Variants in DAAM2 observed in about 807,000 individuals in gnomAD.
DAAM2 encodes dishevelled associated activator of morphogenesis 2.
Under a neutral mutation model 120.7 loss-of-function variants are expected in DAAM2, and 39 were observed. The ratio of observed to expected loss-of-function variants is 0.32; its 90% CI spans 0.25 to 0.42. The LOEUF (loss-of-function observed/expected upper bound fraction) is 0.42. Among genes scored for constraint, DAAM2 ranks in the 10% least tolerant of loss-of-function variants. DAAM2 has a pLI of 1.00. For missense variants in DAAM2, 1,283 were observed against 1,401.7 expected (o/e 0.92, Z 1.35); for synonymous variants, 488 against 524.9 (o/e 0.93, Z 0.96).
rs112059918 is a variant in DAAM2, at chr6:39,904,689, A to ACTAT, written c.*2659_*2662dup. ...CATTTCCACCAACTGGGGAACTGTG[A>ACTAT]CTATCTATCTCCCCCGACTTCTACC... On this transcript the variant is annotated 3_prime_UTR_variant, in exon 25 of 25. Coordinates refer to ENST00000274867, the MANE Select transcript of DAAM2 (RefSeq NM_001201427.2). 1.3e-4 allele frequency: 57 copies of ACTAT among 453,990 alleles called. No homozygotes were observed. In the East Asian group the frequency reaches 1.7e-3, roughly 13 times the overall value. The allele number at this position is 453,990 out of a possible 1,614,324, so 28.1% of individuals were successfully genotyped here.
intron 1 of DAAM2, among the ~76,000 whole-genome samples, chr6:39,839,907 T>C (rs1698053788): frequency 6.6e-6 from 1 of 152,102 alleles, no homozygotes; most frequent in Non-Finnish European, 1.5e-5. Context: ...ACCTGTGTGT[T>C]GGGGGAGAAG....
At chr6:39,804,125 C>T (rs536742303) in intron 1 of DAAM2, among the ~76,000 whole-genome samples, 3 of 152,290 alleles carry the variant, frequency 2.0e-5, no homozygotes, top group Admixed American at 6.5e-5. Context: ...TGGCATCCTC[C>T]CCAGCCTCCT....
At chr6:39,794,168 A>G (rs532048549) in intron 1 of DAAM2, among the ~76,000 whole-genome samples, 13 of 152,182 alleles carry the variant, frequency 8.5e-5, no homozygotes, top group Non-Finnish European at 1.5e-4. Flanking sequence ...CCCATAGGCA[A>G]TGTAAACAAG....
chr6:39,857,895 A>G (rs1310218332), intron 2 of DAAM2, among the ~76,000 whole-genome samples: 1 of 152,080 alleles, frequency 6.6e-6, no homozygotes, highest in Non-Finnish European at 1.5e-5. Flanking sequence ...AAAGCCTAGT[A>G]GGGAAGACTG....
chr6:39,872,731 A>G (rs908850816), intron 9 of DAAM2, among the ~76,000 whole-genome samples: 1 of 152,212 alleles, frequency 6.6e-6, no homozygotes, highest in Non-Finnish European at 1.5e-5. Flanking sequence ...CTTGCCTGTC[A>G]TCACACAACT....
At chr6:39,834,261 G>A (rs1763022689) in intron 1 of DAAM2, among the ~76,000 whole-genome samples, 1 of 152,052 alleles carries the variant, frequency 6.6e-6, no homozygotes, top group Non-Finnish European at 1.5e-5. Context: ...TTTAGAGAGG[G>A]GCTTGTTGGT....
chr6:39,887,958 G>A, intron 16 of DAAM2: 2 of 213,036 alleles, frequency 9.4e-6, no homozygotes, highest in South Asian at 7.5e-5. Context: ...TGTACGGGGG[G>A]GCCTCCTGCC....
intron 1 of DAAM2, among the ~76,000 whole-genome samples, chr6:39,800,409 A>C (rs1314903477): frequency 1.3e-5 from 2 of 152,210 alleles, no homozygotes; most frequent in African/African-American, 2.4e-5. Flanking sequence ...TTAATTACTG[A>C]ATATGCGGGA....
At chr6:39,810,947 C>G (rs1206813001) in intron 1 of DAAM2, among the ~76,000 whole-genome samples, 1 of 152,124 alleles carries the variant, frequency 6.6e-6, no homozygotes, top group Non-Finnish European at 1.5e-5. Context: ...TTCCCCTCAG[C>G]CCAGTTTGTG....
intron 1 of DAAM2, among the ~76,000 whole-genome samples, chr6:39,824,588 C>T (rs944533022): frequency 6.6e-5 from 10 of 152,274 alleles, no homozygotes; most frequent in African/African-American, 1.7e-4. Flanking sequence ...AGAAAACAAA[C>T]CCCACATCCT....
intron 3 of DAAM2, chr6:39,862,288 C>G (rs538194359): frequency 4.6e-5 from 7 of 152,132 alleles, no homozygotes; most frequent in African/African-American, 1.7e-4. Flanking sequence ...ATACTCAATG[C>G]ATGCTTATTA....
In DAAM2 at chr6:39,903,182, A is replaced by G. The variant is rs1766588046; in HGVS notation, c.*1145A>G. On this transcript the variant is annotated 3_prime_UTR_variant, in exon 25 of 25. Transcript: ENST00000274867. Reference sequence around the variant, plus strand: ...TCTGAGGGCCAGAGCTGCCCTCTACATTAACATGCTGTCTCTAAGGGTGGC... The same window carrying G: ...TCTGAGGGCCAGAGCTGCCCTCTACGTTAACATGCTGTCTCTAAGGGTGGC... The G allele has an allele frequency of 6.6e-6, 1 of 152,268 alleles. No homozygotes were observed. Among genetic ancestry groups the G allele is most frequent in the Non-Finnish European group, 1.5e-5 (1 of 68,076 alleles). The allele number at this position is 152,268 out of a possible 1,614,324, so 9.4% of individuals were successfully genotyped here. A position where few individuals can be genotyped will look rare whatever the true frequency, so the allele number is the denominator to read the frequency against.
Position 39,902,243 on chromosome 6 carries a change from C to A in DAAM2, c.*206C>A. The A allele has an allele frequency of 2.2e-6, 1 of 453,424 alleles. No homozygotes were observed. The highest frequency in any genetic ancestry group is 3.9e-6 in the Non-Finnish European group (1 of 258,404). 28.1% of individuals were successfully genotyped at this position (453,424 alleles called of 1,614,324 possible). A position where few individuals can be genotyped will look rare whatever the true frequency, so the allele number is the denominator to read the frequency against. On this transcript the variant is annotated 3_prime_UTR_variant, in exon 25 of 25. Transcript: ENST00000274867. The stretch of plus-strand genomic sequence containing the variant: ...CTCTTATCTCCCCTTCACATGATTC[C>A]TTCTGTGCCCTGGCCCCAGGTATTA...
At chr6:39,884,117 A>C in intron 15 of DAAM2, 48 bp downstream of exon 15, 4 of 988,828 alleles carry the variant, frequency 4.0e-6, no homozygotes, top group Middle Eastern at 4.3e-4. Context: ...CTTGAATCCA[A>C]ACCTCAGCTT....
chr6:39,857,568 G>T (rs1764056924), intron 2 of DAAM2, among the ~76,000 whole-genome samples: 1 of 152,132 alleles, frequency 6.6e-6, no homozygotes, highest in Non-Finnish European at 1.5e-5. Context: ...ATAATATCTG[G>T]AGCCTGATTA....
chr6:39,867,579 C>T lies in DAAM2; in HGVS notation c.498C>T (p.His166=), dbSNP rs751117049. ...CLLNFLRSMD[H]ATCESRIHTS... is the part of the protein sequence containing the mutation. Reference sequence around the variant, plus strand: ...TAAATTTCCTCCGGAGCATGGACCACGCCACCTGTGAGAGCCGCATCCACA... The same window carrying T: ...TAAATTTCCTCCGGAGCATGGACCATGCCACCTGTGAGAGCCGCATCCACA... The change falls in exon 6 of 25, where the codon CAC becomes CAT. Residue 166 remains histidine, a synonymous_variant. Coordinates refer to ENST00000274867, the MANE Select transcript of DAAM2 (RefSeq NM_001201427.2). 29 of 1,613,936 alleles carry T rather than the reference C, an allele frequency of 1.8e-5. No individual in the cohort carries two copies. The highest frequency in any genetic ancestry group is 2.2e-5 in the Non-Finnish European group (26 of 1,179,908).
At chr6:39,803,919 G>A (rs985518958) in intron 1 of DAAM2, among the ~76,000 whole-genome samples, 4 of 152,160 alleles carry the variant, frequency 2.6e-5, no homozygotes, top group Admixed American at 6.5e-5. Flanking sequence ...TCTAAACCAG[G>A]ACTCTCAAGA....
chr6:39,855,718 A>G (rs1763972694), intron 1 of DAAM2, among the ~76,000 whole-genome samples: 1 of 152,134 alleles, frequency 6.6e-6, no homozygotes, highest in African/African-American at 2.4e-5. Context: ...TGCTCTGGAG[A>G]CCCAGGCTGC....
chr6:39,878,189 C>T lies in DAAM2; in HGVS notation c.1302-14C>T. On this transcript the variant is annotated splice_polypyrimidine_tract_variant and intron_variant, in intron 11 of 24. Transcript: ENST00000274867. This position sits in a 1 kb window ranked among gnomAD's most constrained non-coding sequence, Gnocchi z 5.0. ...TCAACAATCACATTGCCCCTTCCCT[C>T]TATGCCCTGCCAGGCTCATCAACGA... The T allele has an allele frequency of 4.3e-6, 7 of 1,613,750 alleles. No individual in the cohort carries two copies. The highest frequency in any genetic ancestry group is 1.1e-5 in the South Asian group (1 of 91,050).
Sources: allele counts gnomAD v4.1 joint callset (sites outside exome capture counted in the v4.1 genomes callset), GRCh38; gene constraint gnomAD v4.1.1; non-coding constraint Gnocchi (gnomAD v3.1); transcripts MANE v1.5; gene names NCBI Gene and HGNC (gene_info 2026-07-23, HGNC 2026-07-21).